Variants in DLGAP1 observed in about 807,000 individuals in gnomAD.
The protein encoded by DLGAP1 is disks large-associated protein 1.
In DLGAP1, 11 loss-of-function variants were observed where a neutral mutation model predicts 90.8. That is an observed-to-expected ratio of 0.12 (90% CI 0.08 to 0.20). The LOEUF (loss-of-function observed/expected upper bound fraction) is 0.20. DLGAP1 is among the 10% of genes least tolerant of loss of function. The pLI is 1.00. For synonymous variants in DLGAP1, 558 were observed against 540.7 expected (o/e 1.03, Z -0.44); for missense variants, 1,050 against 1,333.8 (o/e 0.79, Z 3.31).
intron 5 of DLGAP1, among the ~76,000 whole-genome samples, chr18:3,753,938 C>T (rs2063604642): frequency 6.6e-6 from 1 of 152,204 alleles, no homozygotes; most frequent in Non-Finnish European, 1.5e-5. Flanking sequence ...CCTGGAGACG[C>T]TCAAGTCCCT....
intron 3 of DLGAP1, among the ~76,000 whole-genome samples, chr18:3,972,537 A>T (rs1349462060): frequency 6.8e-6 from 1 of 146,622 alleles, no homozygotes; most frequent in Admixed American, 6.8e-5. Context: ...TTTCTTTCTC[A>T]TAGTTTTAGA....
intron 1 of DLGAP1, among the ~76,000 whole-genome samples, chr18:4,320,400 T>C (rs991152386): frequency 6.6e-6 from 1 of 152,194 alleles, no homozygotes; most frequent in Non-Finnish European, 1.5e-5. Flanking sequence ...TTATTAGAGC[T>C]CTATAAATGA....
At chr18:3,994,417 G>A (rs1440945337) in intron 3 of DLGAP1, among the ~76,000 whole-genome samples, 1 of 152,100 alleles carries the variant, frequency 6.6e-6, no homozygotes, top group Non-Finnish European at 1.5e-5. Flanking sequence ...TCTTAACCCT[G>A]CTCCCTGCTC....
chr18:3,576,284 G>A (rs1267197489), intron 8 of DLGAP1, among the ~76,000 whole-genome samples: 1 of 150,978 alleles, frequency 6.6e-6, no homozygotes, highest in Non-Finnish European at 1.5e-5. Flanking sequence ...TTTTGAGACG[G>A]AGTCTTGCTC....
chr18:4,118,523 G>C (rs988473246), intron 2 of DLGAP1, among the ~76,000 whole-genome samples: 1 of 152,176 alleles, frequency 6.6e-6, no homozygotes, highest in Non-Finnish European at 1.5e-5. Flanking sequence ...AAGTTAGGTG[G>C]AGGAAAGGAA....
chr18:4,204,935 C>G (rs544989868), intron 1 of DLGAP1, among the ~76,000 whole-genome samples: 64 of 151,568 alleles, frequency 4.2e-4, no homozygotes, highest in Non-Finnish European at 7.8e-4. Context: ...TTTGGCTTGA[C>G]TCTTCTTCCC....
intron 3 of DLGAP1, among the ~76,000 whole-genome samples, chr18:3,954,766 A>G (rs569780463): frequency 7.2e-5 from 11 of 152,338 alleles, no homozygotes; most frequent in African/African-American, 2.6e-4. Context: ...TCACGCCTGA[A>G]ACAACCAAAA....
rs963251922 is a variant in DLGAP1, at chr18:3,759,450, C to T, written c.1173-16938G>A. On this transcript the variant is annotated intron_variant, in intron 5 of 12. Transcript: ENST00000315677. ...GTCCTTTTCATAATAATTCATCAGA[C>T]GTAGAAATTATCAACATAAAATGCA... Among the ~76,000 whole-genome samples the T allele has an allele frequency of 2.8e-4, 43 of 152,224 alleles. 1 individual carries two copies. The highest frequency in any genetic ancestry group is 3.4e-3 in the Middle Eastern group (1 of 294).
chr18:3,830,433 C>T (rs536334062), intron 4 of DLGAP1, among the ~76,000 whole-genome samples: 98 of 152,248 alleles, frequency 6.4e-4, no homozygotes, highest in African/African-American at 2.2e-3. Flanking sequence ...GGTGTGGTGG[C>T]ACATGCCTGC....
At chr18:3,854,113 C>T (rs979196040) in intron 4 of DLGAP1, among the ~76,000 whole-genome samples, 23 of 152,018 alleles carry the variant, frequency 1.5e-4, no homozygotes, top group Admixed American at 1.4e-3. Context: ...ATGAACCCCT[C>T]CCCCTAATAA....
intron 5 of DLGAP1, among the ~76,000 whole-genome samples, chr18:3,742,773 CA>C (rs1015925646): frequency 3.9e-5 from 6 of 152,122 alleles, no homozygotes; most frequent in African/African-American, 1.2e-4. Flanking sequence ...TTTTTCTAGC[CA>C]TCCTAGGAAG....
intron 1 of DLGAP1, among the ~76,000 whole-genome samples, chr18:4,406,714 T>A (rs1478300139): frequency 1.3e-5 from 2 of 152,110 alleles, no homozygotes; most frequent in African/African-American, 4.8e-5. Context: ...AGGGAATGAA[T>A]TAGAGGACAA....
At chr18:3,907,128 G>A (rs187325655) in intron 3 of DLGAP1, among the ~76,000 whole-genome samples, 1 of 151,910 alleles carries the variant, frequency 6.6e-6, no homozygotes, top group African/African-American at 2.4e-5. Context: ...AGCATCCATG[G>A]ATGTTAGCGT....
chr18:4,137,880 A>C (rs547925442), intron 2 of DLGAP1, among the ~76,000 whole-genome samples: 122 of 152,186 alleles, frequency 8.0e-4, no homozygotes, highest in African/African-American at 2.9e-3. Flanking sequence ...GTCACTTGCA[A>C]CAGGGATTAC....
chr18:3,976,912 C>T (rs546277460), intron 3 of DLGAP1, among the ~76,000 whole-genome samples: 1 of 152,170 alleles, frequency 6.6e-6, no homozygotes, highest in East Asian at 1.9e-4. Flanking sequence ...AAATATATCT[C>T]ATGATTTAGA....
chr18:4,378,155 A>G lies in DLGAP1; in HGVS notation c.-267+76851T>C, dbSNP rs555913282. On this transcript the variant is annotated intron_variant, in intron 1 of 12. Transcript: ENST00000315677. The surrounding 1 kb of genome is among the most constrained non-coding windows in gnomAD (Gnocchi z 4.5). ...AATTTATATTATATATATTTGAAAAAAGTCTGCAAAGATACTACAAACTAT... is the reference window on the plus strand; with the variant it reads ...AATTTATATTATATATATTTGAAAAGAGTCTGCAAAGATACTACAAACTAT... Among the ~76,000 whole-genome samples the G allele has an allele frequency of 6.7e-6, 1 of 149,978 alleles. No homozygotes were observed. Among genetic ancestry groups the G allele is most frequent in the African/African-American group, 2.4e-5 (1 of 41,124 alleles).
intron 1 of DLGAP1, among the ~76,000 whole-genome samples, chr18:4,305,115 G>T (rs2143335530): frequency 6.6e-6 from 1 of 152,200 alleles, no homozygotes; most frequent in East Asian, 1.9e-4. Context: ...CCTGTGGTGA[G>T]GACGCACAAA....
At chr18:4,320,370 G>A (rs1413877242) in intron 1 of DLGAP1, among the ~76,000 whole-genome samples, 1 of 152,058 alleles carries the variant, frequency 6.6e-6, no homozygotes, top group Non-Finnish European at 1.5e-5. Flanking sequence ...AAAGTTATTT[G>A]AATTAAATAT....
intron 2 of DLGAP1, among the ~76,000 whole-genome samples, chr18:4,083,270 G>A (rs1260900225): frequency 1.3e-5 from 2 of 152,032 alleles, no homozygotes; most frequent in Non-Finnish European, 2.9e-5. Flanking sequence ...ATTTTGTTTT[G>A]TTTTGTAATA....
Sources: allele counts gnomAD v4.1 joint callset (sites outside exome capture counted in the v4.1 genomes callset), GRCh38; gene constraint gnomAD v4.1.1; non-coding constraint Gnocchi (gnomAD v3.1); transcripts MANE v1.5; gene names NCBI Gene and HGNC (gene_info 2026-07-23, HGNC 2026-07-21).